Variants in PLCE1 observed in about 807,000 individuals in gnomAD.
The protein encoded by PLCE1 is 1-phosphatidylinositol 4,5-bisphosphate phosphodiesterase epsilon-1.
A neutral mutation model predicts 242.8 loss-of-function variants in PLCE1; 119 were observed. The ratio of observed to expected loss-of-function variants is 0.49; its 90% CI spans 0.42 to 0.57. The LOEUF (loss-of-function observed/expected upper bound fraction) is 0.57. Ranked by LOEUF, PLCE1 falls within the 20% of genes least tolerant of loss-of-function variation. PLCE1 has a pLI of 0.00. For synonymous variants in PLCE1, 945 were observed against 1,017.4 expected, an observed-to-expected ratio of 0.93 and a Z score of 1.35; for missense variants, 2,441 against 2,788.8, an observed-to-expected ratio of 0.88 and a Z score of 2.81.
chr10:94,148,092 CTTCTAAGT>C (rs2047168667), intron 3 of PLCE1, among the ~76,000 whole-genome samples: 1 of 152,152 alleles, frequency 6.6e-6, no homozygotes, highest in Admixed American at 6.5e-5. Context: ...TAACTCTTCT[CTTCTAAGT>C]TTCATCATCT....
intron 2 of PLCE1, chr10:94,094,789 G>A (rs1237333937): frequency 1.3e-5 from 2 of 152,190 alleles, no homozygotes; most frequent in African/African-American, 4.8e-5. Context: ...GCTGCCACTA[G>A]ATGAGGAGTG....
intron 2 of PLCE1, among the ~76,000 whole-genome samples, chr10:94,056,632 A>T (rs1227459107): frequency 6.6e-6 from 1 of 152,172 alleles, no homozygotes; most frequent in Non-Finnish European, 1.5e-5. Context: ...TTAAAAAATA[A>T]TGACAGTGAG....
intron 14 of PLCE1, among the ~76,000 whole-genome samples, chr10:94,264,851 C>T (rs1187023997): frequency 2.0e-5 from 3 of 152,054 alleles, no homozygotes; most frequent in South Asian, 2.1e-4. Context: ...CTCTGAGCCA[C>T]GCATGGTGGC....
chr10:94,128,424 T>G (rs545829923), intron 2 of PLCE1, among the ~76,000 whole-genome samples: 1 of 152,298 alleles, frequency 6.6e-6, no homozygotes, highest in East Asian at 1.9e-4. Context: ...ATTCCAGATC[T>G]TGGTAGTAAT....
chr10:94,283,559 A>G (rs946822374), intron 20 of PLCE1: 4 of 412,542 alleles, frequency 9.7e-6, no homozygotes, highest in African/African-American at 4.1e-5. Context: ...TAAATTATGT[A>G]TATAAGTGAC....
intron 2 of PLCE1, among the ~76,000 whole-genome samples, chr10:94,077,767 A>C (rs1004938556): frequency 2.6e-5 from 4 of 152,158 alleles, no homozygotes; most frequent in Non-Finnish European, 5.9e-5. Flanking sequence ...ACACTGTTTC[A>C]AAAAAACAAA....
intron 4 of PLCE1, among the ~76,000 whole-genome samples, chr10:94,215,076 G>T (rs1270427462): frequency 6.6e-6 from 1 of 152,090 alleles, no homozygotes; most frequent in Admixed American, 6.6e-5. Context: ...GGACCAAACT[G>T]CCCATAGGTC....
At chr10:94,261,764 C>T (rs1187751227) in intron 13 of PLCE1, among the ~76,000 whole-genome samples, 1 of 152,040 alleles carries the variant, frequency 6.6e-6, no homozygotes, top group Non-Finnish European at 1.5e-5. Flanking sequence ...GGTATTTACC[C>T]AAATGAGTTG....
rs201965980 is a variant in PLCE1, at chr10:94,236,042, T to C, written c.2342T>C (p.Leu781Pro). The C allele has an allele frequency of 6.8e-6, 11 of 1,614,004 alleles. No homozygotes were observed. Among genetic ancestry groups the C allele is most frequent in the Non-Finnish European group, 9.3e-6 (11 of 1,180,012 alleles). ...FQVIRSCNRSLETDEEDSPSE... is the reference protein window; with the variant it reads ...FQVIRSCNRSPETDEEDSPSE... The stretch of plus-strand genomic sequence containing the variant: ...GTCATCCGGAGCTGCAATCGAAGTC[T>C]GGAGACAGACGAGGAGGACAGCCCC... Residue 781 changes from leucine (L) to proline (P), a missense_variant, in exon 7 of 33, where the codon CTG becomes CCG. Coordinates refer to ENST00000371380, the MANE Select transcript of PLCE1 (RefSeq NM_016341.4).
At chr10:94,000,502 T>C (rs1029551393) in intron 1 of PLCE1, among the ~76,000 whole-genome samples, 2 of 152,250 alleles carry the variant, frequency 1.3e-5, no homozygotes, top group Non-Finnish European at 2.9e-5. Context: ...ATAAGAATTC[T>C]AACAAATATT....
At chr10:94,235,186 A>T (rs1465863823) in intron 6 of PLCE1, among the ~76,000 whole-genome samples, 1 of 151,998 alleles carries the variant, frequency 6.6e-6, no homozygotes, top group Non-Finnish European at 1.5e-5. Context: ...CAAAGGCATC[A>T]CCTGATATCA....
At chr10:94,085,836 T>C (rs1030850240) in intron 2 of PLCE1, among the ~76,000 whole-genome samples, 1 of 152,184 alleles carries the variant, frequency 6.6e-6, no homozygotes, top group Non-Finnish European at 1.5e-5. Flanking sequence ...GAAGACAGAC[T>C]GGGTAAGTAT....
At chr10:94,268,258 C>T (rs2051586018) in intron 16 of PLCE1, among the ~76,000 whole-genome samples, 1 of 152,158 alleles carries the variant, frequency 6.6e-6, no homozygotes, top group Non-Finnish European at 1.5e-5. Context: ...CATATTAAAG[C>T]TTAAAGGACA....
intron 4 of PLCE1, among the ~76,000 whole-genome samples, chr10:94,205,373 T>G (rs1196979118): frequency 6.6e-6 from 1 of 152,170 alleles, no homozygotes; most frequent in African/African-American, 2.4e-5. Flanking sequence ...CACGTATTAC[T>G]TTCAATATTA....
chr10:94,130,056 C>G (rs1209028004), intron 2 of PLCE1, among the ~76,000 whole-genome samples: 1 of 152,226 alleles, frequency 6.6e-6, no homozygotes, highest in Non-Finnish European at 1.5e-5. Flanking sequence ...GCCTATTAAG[C>G]CTTCCTTAGC....
intron 2 of PLCE1, among the ~76,000 whole-genome samples, chr10:94,055,021 A>AG (rs911083425): frequency 6.6e-6 from 1 of 151,432 alleles, no homozygotes; most frequent in African/African-American, 2.4e-5. Context: ...CAAAAAAAAA[A>AG]AAAAAAAGAA....
intron 1 of PLCE1, among the ~76,000 whole-genome samples, chr10:94,030,437 T>G (rs1483489049): frequency 6.6e-6 from 1 of 152,110 alleles, no homozygotes; most frequent in Non-Finnish European, 1.5e-5. Flanking sequence ...CACTGGGTTT[T>G]TTTCTGATTT....
At chr10:94,202,738 T>C (rs1307187177) in intron 4 of PLCE1, among the ~76,000 whole-genome samples, 1 of 152,192 alleles carries the variant, frequency 6.6e-6, no homozygotes, top group Non-Finnish European at 1.5e-5. Context: ...ACAGAGTTTG[T>C]TCATTGATTT....
chr10:94,204,955 T>G (rs1395178857), intron 4 of PLCE1, among the ~76,000 whole-genome samples: 1 of 152,112 alleles, frequency 6.6e-6, no homozygotes, highest in Non-Finnish European at 1.5e-5. Flanking sequence ...AAAGATATGA[T>G]ATGGGGAGCT....
Sources: gnomAD v4.1 joint callset for allele counts (sites outside exome capture counted in the v4.1 genomes callset) on GRCh38, gnomAD v4.1.1 for gene constraint, MANE v1.5 for transcripts, NCBI Gene and HGNC (gene_info 2026-07-23, HGNC 2026-07-21) for gene names.